Variants in FRMPD4 observed in about 807,000 individuals in gnomAD.
FRMPD4 encodes FERM and PDZ domain containing 4.
Under a neutral mutation model 94.1 loss-of-function variants are expected in FRMPD4, and 22 were observed. That is an observed-to-expected ratio of 0.23 (90% CI 0.17 to 0.33). The LOEUF is 0.33. FRMPD4 is among the 10% of genes least tolerant of loss of function. FRMPD4 has a pLI of 1.00. For synonymous variants in FRMPD4, 631 were observed against 548.6 expected (o/e 1.15, Z -2.10); for missense variants, 1,111 against 1,339.9 (o/e 0.83, Z 2.67).
intron 3 of FRMPD4, among the ~76,000 whole-genome samples, chrX:11,989,735 A>G (rs1189425119): frequency 8.9e-6 from 1 of 111,934 alleles, no homozygotes; most frequent in Non-Finnish European, 1.9e-5. Flanking sequence ...TGCCTATATC[A>G]AAGTATCTCA....
chrX:12,686,170 A>T lies in FRMPD4; in HGVS notation c.647A>T (p.Lys216Ile), dbSNP rs1482808587. 1.7e-6 allele frequency: 2 copies of T among 1,177,590 alleles called. No homozygotes were observed. The highest frequency in any genetic ancestry group is 1.2e-6 in the Non-Finnish European group (1 of 865,470). Residue 216 changes from lysine (K) to isoleucine (I), a missense_variant, in exon 7 of 17, where the codon AAA (lysine) becomes ATA (isoleucine). Transcript: ENST00000675598. Reference protein sequence around the residue: ...LKVYLENGQTKSFRFDCSTSI... With the variant: ...LKVYLENGQTISFRFDCSTSI... ...GTCTATCTGGAAAATGGGCAGACCA[A>T]ATCATTTCGTTTTGACTGCAGCACT...
intron 3 of FRMPD4, among the ~76,000 whole-genome samples, chrX:12,117,015 T>A (rs931824230): frequency 8.9e-6 from 1 of 112,143 alleles, no homozygotes; most frequent in South Asian, 3.7e-4. Flanking sequence ...AACTGGTTAA[T>A]CTTAGTTTAA....
intron 4 of FRMPD4, among the ~76,000 whole-genome samples, chrX:12,628,462 A>G (rs372562048): frequency 8.9e-6 from 1 of 111,887 alleles, no homozygotes; most frequent in African/African-American, 3.2e-5. Flanking sequence ...TCCCTTAGCC[A>G]CTTCTCTGTC....
At chrX:12,577,458 G>C (rs2058822805) in intron 2 of FRMPD4, among the ~76,000 whole-genome samples, 1 of 110,825 alleles carries the variant, frequency 9.0e-6, no homozygotes, top group African/African-American at 3.3e-5. Flanking sequence ...TGGTGGAAGA[G>C]TTATGCCTCA....
chrX:12,480,605 A>G (rs987740153), intron 1 of FRMPD4, among the ~76,000 whole-genome samples: 7 of 111,445 alleles, frequency 6.3e-5, no homozygotes, highest in South Asian at 3.8e-4. Flanking sequence ...ATTGGCCTGG[A>G]CCAGGTTGTC....
At chrX:12,455,138 T>C (rs1026213714) in intron 1 of FRMPD4, among the ~76,000 whole-genome samples, 1 of 111,092 alleles carries the variant, frequency 9.0e-6, no homozygotes, top group Non-Finnish European at 1.9e-5. Context: ...CTATTTATAT[T>C]ATCCTTGCAA....
intron 1 of FRMPD4, among the ~76,000 whole-genome samples, chrX:12,459,161 G>C (rs763267675): frequency 2.7e-5 from 3 of 110,366 alleles, no homozygotes; most frequent in African/African-American, 9.9e-5. Flanking sequence ...AGCCTCAAGC[G>C]TGGGGATTTG....
chrX:12,659,023 C>T (rs1569393926), intron 4 of FRMPD4, among the ~76,000 whole-genome samples: 1 of 112,409 alleles, frequency 8.9e-6, no homozygotes, highest in Non-Finnish European at 1.9e-5. Flanking sequence ...GGGCCCTGGC[C>T]CTCTCTCTGA....
chrX:12,425,339 T>C (rs192200660), intron 1 of FRMPD4, among the ~76,000 whole-genome samples: 62 of 112,270 alleles, frequency 5.5e-4, no homozygotes, highest in Non-Finnish European at 2.3e-4. Context: ...CTTCTCTTCA[T>C]TGTCAGTGGA....
chrX:12,299,313 G>GGAA (rs780183949), intron 1 of FRMPD4, among the ~76,000 whole-genome samples: 1 of 108,591 alleles, frequency 9.2e-6, no homozygotes, highest in Non-Finnish European at 1.9e-5. Context: ...AGGAGGAGGA[G>GGAA]GAAGAGGAAG....
intron 1 of FRMPD4, among the ~76,000 whole-genome samples, chrX:12,145,476 G>A (rs1328126117): frequency 8.9e-6 from 1 of 112,855 alleles, no homozygotes. Flanking sequence ...ATTAGTTTTG[G>A]TGTAAATCCC....
At chrX:12,005,179 A>C (rs1421567032) in intron 3 of FRMPD4, among the ~76,000 whole-genome samples, 2 of 109,799 alleles carry the variant, frequency 1.8e-5, no homozygotes, top group African/African-American at 6.6e-5. Flanking sequence ...GGGGCTTCTC[A>C]AACTATAGAG....
intron 1 of FRMPD4, among the ~76,000 whole-genome samples, chrX:12,156,611 A>G (rs2055940645): frequency 8.9e-6 from 1 of 112,299 alleles, no homozygotes; most frequent in African/African-American, 3.2e-5. Flanking sequence ...GTTCACAAGA[A>G]CTGAAAAGGT....
intron 3 of FRMPD4, among the ~76,000 whole-genome samples, chrX:12,013,533 T>C (rs895932909): frequency 1.8e-5 from 2 of 112,662 alleles, no homozygotes; most frequent in Non-Finnish European, 3.8e-5. Flanking sequence ...TTTCTCAAGC[T>C]CCAGTAATGT....
At chrX:11,946,981 G>A (rs963659006) in intron 3 of FRMPD4, among the ~76,000 whole-genome samples, 2 of 111,699 alleles carry the variant, frequency 1.8e-5, no homozygotes, top group Non-Finnish European at 3.8e-5. Flanking sequence ...TTCATAACCA[G>A]GTGAGCCAAT....
At chrX:12,564,954 C>T (rs774043624) in intron 2 of FRMPD4, among the ~76,000 whole-genome samples, 23 of 110,048 alleles carry the variant, frequency 2.1e-4, no homozygotes, top group South Asian at 4.0e-4. Context: ...GGCGTGGTGG[C>T]GGGTGCCTGT....
chrX:12,127,517 C>T (rs1167819549), intron 3 of FRMPD4, among the ~76,000 whole-genome samples: 1 of 111,832 alleles, frequency 8.9e-6, no homozygotes. Flanking sequence ...GGGTCCCTCC[C>T]ACCACAGGTG....
At chrX:12,700,610 A>G (rs771077812) in intron 9 of FRMPD4, among the ~76,000 whole-genome samples, 1 of 112,514 alleles carries the variant, frequency 8.9e-6, no homozygotes, top group African/African-American at 3.2e-5. Flanking sequence ...ACTAAGGCTG[A>G]AAGAGGAGGA....
chrX:12,549,063 C>A (rs1320559149), intron 2 of FRMPD4, among the ~76,000 whole-genome samples: 1 of 111,521 alleles, frequency 9.0e-6, no homozygotes, highest in African/African-American at 3.3e-5. Flanking sequence ...GTTCTCCCCT[C>A]TTTTCTCAGG....
Sources: allele counts gnomAD v4.1 joint callset (sites outside exome capture counted in the v4.1 genomes callset), GRCh38; gene constraint gnomAD v4.1.1; transcripts MANE v1.5; gene names NCBI Gene and HGNC (gene_info 2026-07-23, HGNC 2026-07-21).